Variants in PCLO observed in about 807,000 individuals in gnomAD.
PCLO encodes the protein piccolo presynaptic cytomatrix protein.
Under a neutral mutation model 427.5 loss-of-function variants are expected in PCLO, and 82 were observed. That is an observed-to-expected ratio of 0.19 (90% CI 0.16 to 0.23). The LOEUF (loss-of-function observed/expected upper bound fraction) is 0.23. Ranked by LOEUF, PCLO falls within the 10% of genes least tolerant of loss-of-function variation. The probability of loss-of-function intolerance (pLI) is 1.00; values close to 1 mark genes in which losing one functional copy is unlikely to be tolerated. For synonymous variants in PCLO, 2,357 were observed against 2,155.4 expected (o/e 1.09, Z -2.59); for missense variants, 6,239 against 6,115.9 (o/e 1.02, Z -0.67).
intron 6 of PCLO, among the ~76,000 whole-genome samples, chr7:82,938,984 T>A (rs1028311168): frequency 2.4e-4 from 36 of 152,050 alleles, no homozygotes; most frequent in African/African-American, 8.2e-4. Flanking sequence ...TTAAAAATAG[T>A]AAAATGTATA....
intron 1 of PCLO, among the ~76,000 whole-genome samples, chr7:83,157,962 T>C (rs2116699358): frequency 6.6e-6 from 1 of 152,206 alleles, no homozygotes; most frequent in East Asian, 1.9e-4. Context: ...TTCTTATGAA[T>C]TAACTTTTTC....
At chr7:82,846,481 T>A in intron 12 of PCLO, 86 bp downstream of exon 12, 1 of 805,250 alleles carries the variant, frequency 1.2e-6, no homozygotes, top group South Asian at 1.5e-5. Context: ...TATGTCTACA[T>A]CTTCATCTAC....
At chr7:82,958,849 T>A (rs2115600011) in intron 4 of PCLO, among the ~76,000 whole-genome samples, 2 of 152,280 alleles carry the variant, frequency 1.3e-5, no homozygotes. Flanking sequence ...TTTCATTACA[T>A]CCCAGAAAAT....
At chr7:83,080,093 TA>T (rs1292984403) in intron 3 of PCLO, among the ~76,000 whole-genome samples, 2 of 152,216 alleles carry the variant, frequency 1.3e-5, no homozygotes, top group African/African-American at 4.8e-5. Flanking sequence ...GGTGTATATG[TA>T]ACACATTTTC....
chr7:82,918,883 G>A (rs1414565284), intron 6 of PCLO, among the ~76,000 whole-genome samples: 2 of 151,984 alleles, frequency 1.3e-5, no homozygotes, highest in Non-Finnish European at 2.9e-5. Flanking sequence ...CTAATGTTTG[G>A]TCACTACCGG....
At chr7:82,841,949 G>A (rs1792378520) in intron 13 of PCLO, among the ~76,000 whole-genome samples, 1 of 152,032 alleles carries the variant, frequency 6.6e-6, no homozygotes, top group Non-Finnish European at 1.5e-5. Context: ...TGAATGCTCA[G>A]CACCTCCCTG....
chr7:82,812,831 A>G (rs1212110205), intron 20 of PCLO, among the ~76,000 whole-genome samples: 1 of 151,586 alleles, frequency 6.6e-6, no homozygotes, highest in African/African-American at 2.4e-5. Context: ...CTTTTGAAGC[A>G]GAAGCATTTT....
At chr7:83,014,592 A>G (rs1015308850) in intron 3 of PCLO, among the ~76,000 whole-genome samples, 3 of 152,024 alleles carry the variant, frequency 2.0e-5, no homozygotes, top group African/African-American at 7.2e-5. Context: ...TCAACATTGC[A>G]ATATAGAATG....
intron 3 of PCLO, among the ~76,000 whole-genome samples, chr7:83,133,157 GTTTA>G (rs1791615482): frequency 6.6e-6 from 1 of 151,788 alleles, no homozygotes. Flanking sequence ...TTTTTCTATG[GTTTA>G]TTTTTTAAAA....
rs1182022263 is a variant in PCLO, at chr7:82,755,198, A to T, written c.*3377T>A. The T allele has an allele frequency of 6.6e-6, 1 of 152,146 alleles. No individual in the cohort carries two copies. Among genetic ancestry groups the T allele is most frequent in the East Asian group, 1.9e-4 (1 of 5,198 alleles). The allele number at this position is 152,146 out of a possible 1,614,324, so 9.4% of individuals were successfully genotyped here. On this transcript the variant is annotated 3_prime_UTR_variant, in exon 25 of 25. Transcript: ENST00000333891. Reference sequence around the variant, plus strand: ...AATATTCCCACAATATGACTATTTAAATGTGTGTGATCCACAAAATTAATT... The same window carrying T: ...AATATTCCCACAATATGACTATTTATATGTGTGTGATCCACAAAATTAATT...
At chr7:83,019,288 A>G (rs1018379576) in intron 3 of PCLO, among the ~76,000 whole-genome samples, 1 of 151,968 alleles carries the variant, frequency 6.6e-6, no homozygotes, top group Admixed American at 6.6e-5. Flanking sequence ...TTTGCGGGGT[A>G]GAGTAAGGCA....
intron 21 of PCLO, among the ~76,000 whole-genome samples, chr7:82,802,164 A>C (rs1791367456): frequency 6.6e-6 from 1 of 151,574 alleles, no homozygotes; most frequent in Non-Finnish European, 1.5e-5. Context: ...TGGCTTTGCT[A>C]TTTCTTGCTA....
At position 83,154,997 on chromosome 7, in the gene PCLO, C is replaced by T; in HGVS notation, c.1644G>A (p.Lys548=). ...KPSAQQPSPA[K]PSAQQSTKPV... is the part of the protein sequence containing the mutation. The stretch of plus-strand genomic sequence containing the variant: ...GTTTTGTAGATTGCTGAGCCGAGGG[C>T]TTTGCTGGGCTAGGCTGTTGAGCTG... The change falls in exon 2 of 25, where the codon AAG becomes AAA. Residue 548 remains lysine (K), a synonymous_variant. Coordinates refer to ENST00000333891, the MANE Select transcript of PCLO (RefSeq NM_033026.6). 6.2e-7 allele frequency: 1 copy of T among 1,613,948 alleles called. No homozygotes were observed. Among genetic ancestry groups the T allele is most frequent in the Non-Finnish European group, 8.5e-7 (1 of 1,179,884 alleles).
chr7:82,865,156 T>C (rs1330758519), intron 10 of PCLO, among the ~76,000 whole-genome samples: 1 of 151,618 alleles, frequency 6.6e-6, no homozygotes, highest in Non-Finnish European at 1.5e-5. Context: ...AAATTACAAA[T>C]GATAGAAATA....
chr7:82,964,409 G>C (rs1284939465), intron 4 of PCLO, among the ~76,000 whole-genome samples: 1 of 151,990 alleles, frequency 6.6e-6, no homozygotes, highest in Non-Finnish European at 1.5e-5. Context: ...CTACTGACTA[G>C]GTACTTGAAA....
At chr7:82,807,875 C>T (rs1201449920) in intron 20 of PCLO, among the ~76,000 whole-genome samples, 2 of 151,882 alleles carry the variant, frequency 1.3e-5, no homozygotes, top group African/African-American at 4.8e-5. Context: ...TAGTAACCCA[C>T]AGGACTGGAT....
At chr7:82,814,895 T>C (rs938053378) in intron 20 of PCLO, among the ~76,000 whole-genome samples, 9 of 152,002 alleles carry the variant, frequency 5.9e-5, no homozygotes, top group Non-Finnish European at 2.9e-5. Context: ...CCCACAGTCA[T>C]GGAAATGAAG....
rs569229341 is a variant in PCLO, at chr7:82,764,495, A to G, written c.15008-3002T>C. ...TAAGTTTTAGCTAGTCTATTTTAAA[A>G]ATTGTTTCAGATTGGCTCACAAAGC... On this transcript the variant is annotated intron_variant, in intron 22 of 24. Coordinates refer to ENST00000333891, the MANE Select transcript of PCLO (RefSeq NM_033026.6). 3.9e-5 allele frequency among the ~76,000 whole-genome samples: 6 copies of G among 152,072 alleles called. No individual in the cohort carries two copies. The South Asian group carries it at 1.2e-3, about 31-fold the overall frequency.
Position 82,956,386 on chromosome 7 carries a change from G to T in PCLO, c.4567C>A (p.Pro1523Thr), listed in dbSNP as rs201756950. 7 of 1,613,488 alleles carry T rather than the reference G, an allele frequency of 4.3e-6. No homozygotes were observed. The highest frequency in any genetic ancestry group is 5.9e-6 in the Non-Finnish European group (7 of 1,179,854). The change falls in exon 5 of 25, where the codon CCT becomes ACT. Residue 1523 changes from proline to threonine, a missense_variant. By Grantham distance (38) the Pro-to-Thr change is conservative. Transcript: ENST00000333891. Reference sequence around the variant, plus strand: ...GTTCTTCGTTTTCTTTGTGGAACAGGTGAGTTTTCACTTTCACTACTCTCT... The same window carrying T: ...GTTCTTCGTTTTCTTTGTGGAACAGTTGAGTTTTCACTTTCACTACTCTCT... The part of the protein sequence containing the change: ...VEESSESENS[P>T]VPQRKRRTSV...
Sources: allele counts gnomAD v4.1 joint callset (sites outside exome capture counted in the v4.1 genomes callset), GRCh38; gene constraint gnomAD v4.1.1; transcripts MANE v1.5; gene names NCBI Gene and HGNC (gene_info 2026-07-23, HGNC 2026-07-21).